SGCD: variants seen among roughly 807,000 people sequenced by gnomAD.
The protein encoded by SGCD is delta-sarcoglycan.
SGCD carries 18 observed loss-of-function variants against 36.6 expected under a neutral mutation model. That is an observed-to-expected ratio of 0.49 (90% confidence interval 0.34 to 0.73). The LOEUF (loss-of-function observed/expected upper bound fraction) is 0.73. SGCD is among the 30% of genes least tolerant of loss of function. The probability of loss-of-function intolerance (pLI) is 0.01; values close to 1 mark genes in which losing one functional copy is unlikely to be tolerated. For missense variants in SGCD, 387 were observed against 346.7 expected (o/e 1.12, Z -0.92); for synonymous variants, 133 against 130.6 (o/e 1.02, Z -0.12).
intron 4 of SGCD, among the ~76,000 whole-genome samples, chr5:156,516,122 AG>A (rs1369564026): frequency 6.6e-6 from 1 of 152,238 alleles, no homozygotes; most frequent in Non-Finnish European, 1.5e-5. Flanking sequence ...AGTCCAGACA[AG>A]GGGGATTCCC....
At chr5:156,609,691 A>G (rs145985629) in intron 6 of SGCD, among the ~76,000 whole-genome samples, 3,852 of 152,254 alleles carry the variant, frequency 0.025, 162 homozygotes, top group East Asian at 0.17. Flanking sequence ...CCAATCAGAC[A>G]TAGATTTGGT....
At chr5:156,340,068 A>G (rs1294489393) in intron 2 of SGCD, among the ~76,000 whole-genome samples, 2 of 152,252 alleles carry the variant, frequency 1.3e-5, no homozygotes, top group African/African-American at 4.8e-5. Flanking sequence ...ACAAAGTTAC[A>G]CATGGTATAC....
chr5:156,388,280 A>T (rs1336813343), intron 3 of SGCD, among the ~76,000 whole-genome samples: 1 of 152,180 alleles, frequency 6.6e-6, no homozygotes, highest in African/African-American at 2.4e-5. Flanking sequence ...CCTCCCTATG[A>T]TAGTTTCCTT....
At chr5:156,266,448 C>G (rs1353506625) in intron 3 of SGCD, among the ~76,000 whole-genome samples, 1 of 152,140 alleles carries the variant, frequency 6.6e-6, no homozygotes, top group Non-Finnish European at 1.5e-5. Context: ...GCACTTTGTA[C>G]CATGTCTCTT....
intron 4 of SGCD, among the ~76,000 whole-genome samples, chr5:156,512,023 GT>G (rs1363352774): frequency 3.9e-5 from 6 of 151,966 alleles, no homozygotes; most frequent in African/African-American, 1.4e-4. Context: ...GTGCAACCCT[GT>G]CTCTACTAAG....
chr5:156,020,292 T>C (rs1372293589), intron 1 of SGCD, among the ~76,000 whole-genome samples: 1 of 152,230 alleles, frequency 6.6e-6, no homozygotes, highest in Non-Finnish European at 1.5e-5. Context: ...TTGAATAATT[T>C]AGAAGAGTAA....
At chr5:156,570,055 CT>C (rs1187257008) in intron 4 of SGCD, among the ~76,000 whole-genome samples, 5 of 152,014 alleles carry the variant, frequency 3.3e-5, no homozygotes, top group Non-Finnish European at 5.9e-5. Flanking sequence ...CCTGACTGCT[CT>C]GAGGATAATA....
At position 156,407,154 on chromosome 5, in the gene SGCD, T is replaced by A. The variant is rs549787829; in HGVS notation, c.192+62477T>A. Among the ~76,000 whole-genome samples, 102 of 152,222 alleles carry A rather than the reference T, an allele frequency of 6.7e-4. 3 individuals are homozygous for A. In the South Asian group the frequency reaches 0.021, roughly 31 times the overall value. On this transcript the variant is annotated intron_variant, in intron 3 of 8. Coordinates refer to ENST00000337851, the MANE Select transcript of SGCD (RefSeq NM_000337.6). ...CCCACTGACTCAAATGTTAATCTCGTCTGGCAACACCCTCACAGACATACC... is the reference window on the plus strand; with the variant it reads ...CCCACTGACTCAAATGTTAATCTCGACTGGCAACACCCTCACAGACATACC...
chr5:156,053,420 G>A (rs1759972233), intron 1 of SGCD, among the ~76,000 whole-genome samples: 1 of 146,476 alleles, frequency 6.8e-6, no homozygotes, highest in Non-Finnish European at 1.5e-5. Context: ...CTAAAAGGTA[G>A]TGAGGGGGTG....
At chr5:156,179,230 A>G (rs2127625995) in intron 3 of SGCD, among the ~76,000 whole-genome samples, 1 of 152,140 alleles carries the variant, frequency 6.6e-6, no homozygotes, top group East Asian at 1.9e-4. Flanking sequence ...TTTTCTTAAC[A>G]AAAATGATTT....
At chr5:156,052,002 A>C (rs933494104) in intron 1 of SGCD, among the ~76,000 whole-genome samples, 5 of 146,264 alleles carry the variant, frequency 3.4e-5, no homozygotes, top group South Asian at 4.3e-4. Flanking sequence ...CATGGCCACA[A>C]AAATTTATGC....
intron 3 of SGCD, among the ~76,000 whole-genome samples, chr5:156,465,993 A>T (rs1418564082): frequency 6.6e-6 from 1 of 152,220 alleles, no homozygotes; most frequent in Non-Finnish European, 1.5e-5. Context: ...GAAAAGAAAA[A>T]GCAATATACT....
At chr5:156,434,995 G>T (rs185912357) in intron 3 of SGCD, among the ~76,000 whole-genome samples, 1 of 152,150 alleles carries the variant, frequency 6.6e-6, no homozygotes, top group South Asian at 2.1e-4. Flanking sequence ...ACACTTAAGC[G>T]TGTCATGTGG....
intron 3 of SGCD, among the ~76,000 whole-genome samples, chr5:156,216,141 G>A (rs1042004296): frequency 3.9e-5 from 6 of 152,132 alleles, no homozygotes; most frequent in South Asian, 2.1e-4. Flanking sequence ...TTGAAACAGC[G>A]AGTGGAATTG....
chr5:155,807,771 A>G, the SGCD span, among the ~76,000 whole-genome samples: 1 of 152,208 alleles, frequency 6.6e-6, no homozygotes, highest in East Asian at 1.9e-4. Context: ...GTTTGCTTAT[A>G]GTGGAAGAAG....
intron 4 of SGCD, among the ~76,000 whole-genome samples, chr5:156,525,889 A>G (rs1757622946): frequency 6.6e-6 from 1 of 152,064 alleles, no homozygotes; most frequent in African/African-American, 2.4e-5. Flanking sequence ...TTACTTAACC[A>G]TATCTGTGGG....
At chr5:156,753,890 A>G (rs1388125070) in intron 7 of SGCD, among the ~76,000 whole-genome samples, 2 of 152,320 alleles carry the variant, frequency 1.3e-5, no homozygotes, top group Non-Finnish European at 2.9e-5. Flanking sequence ...CAGCCAAACC[A>G]TATCAAGGAG....
chr5:156,229,286 A>ATATATATATATATATGTATG (rs1229174444), intron 3 of SGCD, among the ~76,000 whole-genome samples: 1 of 110,450 alleles, frequency 9.1e-6, no homozygotes, highest in African/African-American at 4.1e-5. Context: ...ACATATATAT[A>ATATATATATATATATGTATG]TATATATATA....
rs564392811 is a variant in SGCD, at chr5:156,611,711, T to C, written c.502+16660T>C. On this transcript the variant is annotated intron_variant, in intron 6 of 8. Transcript: ENST00000337851. Reference sequence around the variant, plus strand: ...ATCTATTCCCCATCTGGCATTTGTATAATGCAAACATTCGTTAACTTAATA... The same window carrying C: ...ATCTATTCCCCATCTGGCATTTGTACAATGCAAACATTCGTTAACTTAATA... Among the ~76,000 whole-genome samples, 4 of 152,330 alleles carry C rather than the reference T, an allele frequency of 2.6e-5. No homozygotes were observed. In the East Asian group the frequency reaches 5.8e-4, roughly 22 times the overall value.
Sources: gnomAD v4.1 joint callset for allele counts (sites outside exome capture counted in the v4.1 genomes callset) on GRCh38, gnomAD v4.1.1 for gene constraint, MANE v1.5 for transcripts, NCBI Gene and HGNC (gene_info 2026-07-23, HGNC 2026-07-21) for gene names.